The following CCDC102B variants were observed in gnomAD, a reference collection of about 807,000 sequenced individuals.
CCDC102B encodes the protein coiled-coil domain containing 102B, also known as coiled-coil domain-containing protein 102B.
A neutral mutation model predicts 57.4 loss-of-function variants in CCDC102B; 75 were observed. The observed-to-expected ratio is 1.31, with a 90% CI of 1.08 to 1.58. The LOEUF is 1.58. CCDC102B is among the 40% of genes most tolerant of loss of function. The pLI is 0.00. For synonymous variants in CCDC102B, 206 were observed against 201.9 expected, an observed-to-expected ratio of 1.02 and a Z score of -0.17; for missense variants, 636 against 582.6, an observed-to-expected ratio of 1.09 and a Z score of -0.94.
chr18:68,748,865 C>T (rs2033733657), intron 2 of CCDC102B, among the ~76,000 whole-genome samples: 1 of 152,086 alleles, frequency 6.6e-6, no homozygotes, highest in Non-Finnish European at 1.5e-5. Flanking sequence ...CAGAGAAAAG[C>T]ATAGGAGGGA....
intron 7 of CCDC102B, among the ~76,000 whole-genome samples, chr18:69,037,408 G>A (rs1386456784): frequency 6.6e-6 from 1 of 151,968 alleles, no homozygotes; most frequent in Admixed American, 6.6e-5. Context: ...AAGGATAAAG[G>A]ACAACAAGAG....
At chr18:68,949,880 A>G (rs1171752381) in intron 6 of CCDC102B, among the ~76,000 whole-genome samples, 1 of 152,162 alleles carries the variant, frequency 6.6e-6, no homozygotes, top group Non-Finnish European at 1.5e-5. Flanking sequence ...AAAAAATTGG[A>G]TAACTATACA....
At chr18:68,880,866 G>A (rs1325919697) in intron 5 of CCDC102B, among the ~76,000 whole-genome samples, 1 of 152,132 alleles carries the variant, frequency 6.6e-6, no homozygotes, top group East Asian at 1.9e-4. Context: ...TACCATATTG[G>A]TTTTTATTTT....
At chr18:68,789,132 G>T (rs9951869) in intron 2 of CCDC102B, among the ~76,000 whole-genome samples, 24,934 of 151,852 alleles carry the variant, frequency 0.16, 2,093 homozygotes, top group East Asian at 0.3. Flanking sequence ...GAAAATTCTT[G>T]TCTTTAAGAA....
intron 2 of CCDC102B, among the ~76,000 whole-genome samples, chr18:68,779,018 A>C (rs1205152600): frequency 6.6e-6 from 1 of 152,110 alleles, no homozygotes; most frequent in Non-Finnish European, 1.5e-5. Context: ...AATAATAATA[A>C]GAAGGTTCGT....
At position 68,897,402 on chromosome 18, in the gene CCDC102B, CA is replaced by C; in HGVS notation, c.1240del (p.Ile414LeufsTer11). 6.2e-7 allele frequency: 1 copy of C among 1,611,206 alleles called. No individual in the cohort carries two copies. Among genetic ancestry groups the C allele is most frequent in the Non-Finnish European group, 8.5e-7 (1 of 1,178,674 alleles). On this transcript the variant is annotated frameshift_variant, in exon 6 of 8. Coordinates refer to ENST00000360242, the MANE Select transcript of CCDC102B (RefSeq NM_024781.3). LOFTEE classifies it high-confidence loss of function. ...NSQSPDFKMSQIDLQEKNQEL... is the reference protein window; with the variant it reads ...NSQSPDFKMSXIDLQEKNQEL... ...TCAAAGTCCTGATTTCAAGATGTCACAAATTGATCTGCAAGAAAAAAACCAG... is the reference window on the plus strand; with the variant it reads ...TCAAAGTCCTGATTTCAAGATGTCACAATTGATCTGCAAGAAAAAAACCAG...
At chr18:69,005,890 A>C (rs2051327790) in intron 6 of CCDC102B, among the ~76,000 whole-genome samples, 1 of 151,766 alleles carries the variant, frequency 6.6e-6, no homozygotes, top group Non-Finnish European at 1.5e-5. Flanking sequence ...TTATAAAAGA[A>C]CTGTGAATTG....
intron 3 of CCDC102B, among the ~76,000 whole-genome samples, chr18:68,842,609 TA>T (rs1384834419): frequency 6.6e-6 from 1 of 152,056 alleles, no homozygotes; most frequent in African/African-American, 2.4e-5. Flanking sequence ...CTAGAATCCA[TA>T]CCTAAGCGAG....
At chr18:68,743,235 AT>A (rs1466932292) in intron 2 of CCDC102B, among the ~76,000 whole-genome samples, 6 of 150,518 alleles carry the variant, frequency 4.0e-5, no homozygotes, top group Non-Finnish European at 8.9e-5. Flanking sequence ...AAATAAATAA[AT>A]AAATAAATAA....
intron 4 of CCDC102B, among the ~76,000 whole-genome samples, chr18:68,865,890 A>G (rs2038955831): frequency 6.6e-6 from 1 of 152,190 alleles, no homozygotes; most frequent in Non-Finnish European, 1.5e-5. Flanking sequence ...TGGCTTTGCC[A>G]TGTATTTAGA....
intron 4 of CCDC102B, among the ~76,000 whole-genome samples, chr18:68,847,268 C>A (rs28439847): frequency 0.33 from 50,569 of 151,120 alleles, 9,478 homozygotes; most frequent in East Asian, 0.64. Flanking sequence ...CTGGGTATGG[C>A]GTTCACAATA....
At chr18:68,774,047 C>T (rs2034729870) in intron 2 of CCDC102B, among the ~76,000 whole-genome samples, 1 of 151,908 alleles carries the variant, frequency 6.6e-6, no homozygotes, top group African/African-American at 2.4e-5. Flanking sequence ...AAGAAACACA[C>T]ACACACAAAT....
intron 2 of CCDC102B, 68 bp downstream of exon 2, chr18:68,837,437 AAGT>A: frequency 6.9e-7 from 1 of 1,456,400 alleles, no homozygotes; most frequent in Non-Finnish European, 9.3e-7. Context: ...AGGAAGAAGG[AAGT>A]GACAAATGCA....
intron 7 of CCDC102B, among the ~76,000 whole-genome samples, chr18:69,041,077 T>G (rs1445857625): frequency 1.3e-5 from 2 of 152,092 alleles, no homozygotes; most frequent in African/African-American, 4.8e-5. Context: ...TGCAAATTCA[T>G]AAATATGGCA....
At chr18:69,025,334 G>A (rs1262384521) in intron 7 of CCDC102B, among the ~76,000 whole-genome samples, 1 of 152,166 alleles carries the variant, frequency 6.6e-6, no homozygotes, top group Non-Finnish European at 1.5e-5. Context: ...TTGCTCAGTA[G>A]GAAGTAGAAT....
chr18:68,893,421 T>G (rs911033516), intron 5 of CCDC102B, among the ~76,000 whole-genome samples: 1 of 152,266 alleles, frequency 6.6e-6, no homozygotes, highest in African/African-American at 2.4e-5. Context: ...TCAGAGCCAA[T>G]GTACGGAGAA....
In CCDC102B at chr18:68,897,429, G is replaced by C. The variant is rs143482676; in HGVS notation, c.1263+1G>C. 1 of 1,610,582 alleles carries C rather than the reference G, an allele frequency of 6.2e-7. No individual in the cohort carries two copies. The highest frequency in any genetic ancestry group is 8.5e-7 in the Non-Finnish European group (1 of 1,178,250). ...AATTGATCTGCAAGAAAAAAACCAG[G>C]TATGGGTGCTCCTTGGAGCAAATTC... On this transcript the variant is annotated splice_donor_variant, in intron 6 of 7. Transcript: ENST00000360242. LOFTEE classifies it high-confidence loss of function.
At chr18:68,842,722 T>C (rs1250515529) in intron 3 of CCDC102B, among the ~76,000 whole-genome samples, 2 of 152,216 alleles carry the variant, frequency 1.3e-5, no homozygotes, top group Non-Finnish European at 2.9e-5. Flanking sequence ...GAGGTCCCGC[T>C]GTGATGTCTC....
chr18:68,935,069 A>G (rs2041798171), intron 6 of CCDC102B, among the ~76,000 whole-genome samples: 1 of 151,942 alleles, frequency 6.6e-6, no homozygotes, highest in African/African-American at 2.4e-5. Flanking sequence ...ACTAAATAGG[A>G]TAATCAGAAA....
Sources: gnomAD v4.1 joint callset for allele counts (sites outside exome capture counted in the v4.1 genomes callset) on GRCh38, gnomAD v4.1.1 for gene constraint, MANE v1.5 for transcripts, NCBI Gene and HGNC (gene_info 2026-07-23, HGNC 2026-07-21) for gene names.